The following SORCS3 variants were observed in gnomAD, a reference collection of about 807,000 sequenced individuals.
SORCS3 encodes sortilin related VPS10 domain containing receptor 3, also known as VPS10 domain-containing receptor SorCS3.
SORCS3 carries 57 observed loss-of-function variants against 146.3 expected under a neutral mutation model. The ratio of observed to expected loss-of-function variants is 0.39; its 90% CI spans 0.31 to 0.49. The LOEUF is 0.49. SORCS3 is among the 20% of genes least tolerant of loss of function. SORCS3 has a pLI of 0.92. For synonymous variants in SORCS3, 653 were observed against 618.5 expected, an observed-to-expected ratio of 1.06 and a Z score of -0.83; for missense variants, 1,341 against 1,575.5, an observed-to-expected ratio of 0.85 and a Z score of 2.52.
intron 4 of SORCS3, among the ~76,000 whole-genome samples, chr10:104,994,029 G>A (rs1179895544): frequency 6.6e-6 from 1 of 152,138 alleles, no homozygotes; most frequent in Non-Finnish European, 1.5e-5. Context: ...AAATCCATCT[G>A]TTCCCTTCCA....
intron 1 of SORCS3, among the ~76,000 whole-genome samples, chr10:104,769,589 A>G (rs1004957051): frequency 1.3e-5 from 2 of 152,084 alleles, no homozygotes; most frequent in African/African-American, 4.8e-5. Flanking sequence ...TCTGGTACCT[A>G]AAGGGAGGGG....
At chr10:105,078,640 C>G (rs374413615) in intron 5 of SORCS3, among the ~76,000 whole-genome samples, 3 of 152,170 alleles carry the variant, frequency 2.0e-5, no homozygotes, top group Non-Finnish European at 4.4e-5. Context: ...GTTGCACTTA[C>G]GATATTTTGA....
chr10:105,016,676 G>T (rs2055170462), intron 4 of SORCS3, among the ~76,000 whole-genome samples: 2 of 152,024 alleles, frequency 1.3e-5, no homozygotes, highest in Admixed American at 6.6e-5. Flanking sequence ...TATTATAGAA[G>T]ATGAAGATTG....
At chr10:104,995,308 C>T (rs528544617) in intron 4 of SORCS3, among the ~76,000 whole-genome samples, 7 of 151,782 alleles carry the variant, frequency 4.6e-5, no homozygotes, top group Non-Finnish European at 8.8e-5. Flanking sequence ...CACAGGTGCA[C>T]GCCACCATGA....
intron 5 of SORCS3, among the ~76,000 whole-genome samples, chr10:105,058,942 G>T (rs1281422167): frequency 1.3e-5 from 2 of 152,084 alleles, no homozygotes; most frequent in East Asian, 3.9e-4. Flanking sequence ...TAAAAATTAT[G>T]TACCCCACAA....
At chr10:104,972,836 A>G (rs2054869023) in intron 3 of SORCS3, among the ~76,000 whole-genome samples, 1 of 152,162 alleles carries the variant, frequency 6.6e-6, no homozygotes, top group Admixed American at 6.5e-5. Flanking sequence ...TGGGTTTGTC[A>G]TAGATAGCTC....
intron 6 of SORCS3, among the ~76,000 whole-genome samples, chr10:105,102,845 C>T (rs756949777): frequency 3.5e-4 from 49 of 140,128 alleles, no homozygotes; most frequent in Middle Eastern, 8.3e-3. Context: ...GCTGGAGTAC[C>T]GTGGCGCGAT....
rs868729455 is a variant in SORCS3 at position 104,687,583 on chromosome 10, C to G, written c.627+45629C>G. Reference sequence around the variant, plus strand: ...GGGGGTAGGGGTAGGGGATAGGAGACAGCCTGAAGTGTGAGTGGGTACCAT... The same window carrying G: ...GGGGGTAGGGGTAGGGGATAGGAGAGAGCCTGAAGTGTGAGTGGGTACCAT... On this transcript the variant is annotated intron_variant, in intron 1 of 26. Transcript: ENST00000369701. 2.0e-5 allele frequency among the ~76,000 whole-genome samples: 3 copies of G among 152,090 alleles called. No individual in the cohort carries two copies. The South Asian group carries it at 6.2e-4, about 32-fold the overall frequency.
chr10:104,736,407 G>A (rs1433597853), intron 1 of SORCS3, among the ~76,000 whole-genome samples: 1 of 152,184 alleles, frequency 6.6e-6, no homozygotes, highest in African/African-American at 2.4e-5. Flanking sequence ...TAACACTCAA[G>A]TGGAAAGAAC....
intron 8 of SORCS3, among the ~76,000 whole-genome samples, chr10:105,147,040 C>T (rs2056136121): frequency 6.6e-6 from 1 of 151,256 alleles, no homozygotes; most frequent in East Asian, 1.9e-4. Context: ...ACCTCCCTTA[C>T]CTTTTGCTCC....
intron 4 of SORCS3, among the ~76,000 whole-genome samples, chr10:105,000,221 T>G (rs1454945567): frequency 6.6e-6 from 1 of 152,144 alleles, no homozygotes; most frequent in Non-Finnish European, 1.5e-5. Flanking sequence ...CTAATCTATA[T>G]CAAGCACTGT....
At chr10:104,743,471 A>G (rs995895089) in intron 1 of SORCS3, among the ~76,000 whole-genome samples, 1 of 152,212 alleles carries the variant, frequency 6.6e-6, no homozygotes, top group African/African-American at 2.4e-5. Flanking sequence ...CAATGGTCTC[A>G]TGGTCCAGTG....
intron 1 of SORCS3, among the ~76,000 whole-genome samples, chr10:104,729,772 C>G (rs1438947889): frequency 6.6e-6 from 1 of 152,166 alleles, no homozygotes; most frequent in African/African-American, 2.4e-5. Context: ...ACTGCTTCTA[C>G]CACGCCTGTC....
rs2054782307 is a variant in SORCS3 at position 104,959,787 on chromosome 10, C to T, written c.796-17548C>T. Among the ~76,000 whole-genome samples, 5 of 152,282 alleles carry T rather than the reference C, an allele frequency of 3.3e-5. No individual in the cohort carries two copies. In the South Asian group the frequency reaches 1.0e-3, roughly 32 times the overall value. ...AGGTGTCTTGAGCTGGGGGTAAAAG[C>T]ACAGACCAACCAAGTGCTTTGAACA... On this transcript the variant is annotated intron_variant, in intron 3 of 26. Coordinates refer to ENST00000369701, the MANE Select transcript of SORCS3 (RefSeq NM_014978.3).
At chr10:105,046,851 G>A (rs967675414) in intron 5 of SORCS3, among the ~76,000 whole-genome samples, 1 of 151,948 alleles carries the variant, frequency 6.6e-6, no homozygotes, top group Non-Finnish European at 1.5e-5. Flanking sequence ...TTGATACCTG[G>A]TCACCAGGTA....
intron 5 of SORCS3, among the ~76,000 whole-genome samples, chr10:105,057,688 A>G (rs745449590): frequency 6.6e-6 from 1 of 152,020 alleles, no homozygotes; most frequent in Non-Finnish European, 1.5e-5. Context: ...AGGATCATCC[A>G]CTCTCACCCT....
intron 2 of SORCS3, among the ~76,000 whole-genome samples, chr10:104,874,766 T>C (rs146537460): frequency 5.9e-5 from 9 of 152,274 alleles, no homozygotes; most frequent in Non-Finnish European, 1.3e-4. Context: ...ACCATATCCC[T>C]GGCTTGCAGC....
chr10:104,966,488 C>G (rs2054826934), intron 3 of SORCS3, among the ~76,000 whole-genome samples: 1 of 152,068 alleles, frequency 6.6e-6, no homozygotes, highest in Admixed American at 6.6e-5. Flanking sequence ...TAAATTATAG[C>G]CTTTCTTTTT....
intron 4 of SORCS3, among the ~76,000 whole-genome samples, chr10:104,999,352 G>A (rs1192016255): frequency 6.6e-6 from 1 of 152,146 alleles, no homozygotes; most frequent in Non-Finnish European, 1.5e-5. Flanking sequence ...CATACTTCCA[G>A]TTTGAGGGAG....
Sources: allele counts gnomAD v4.1 joint callset (sites outside exome capture counted in the v4.1 genomes callset), GRCh38; gene constraint gnomAD v4.1.1; transcripts MANE v1.5; gene names NCBI Gene and HGNC (gene_info 2026-07-23, HGNC 2026-07-21).